The following SMAD6 variants were observed in gnomAD, a reference collection of about 807,000 sequenced individuals.
SMAD6 encodes the protein MAD homolog 6.
SMAD6 carries 103 observed loss-of-function variants against 39.4 expected under a neutral mutation model. The observed-to-expected ratio is 2.62, with a 90% CI of 2.23 to 3.08. The LOEUF is 3.08. Among genes scored for constraint, SMAD6 ranks in the 30% most tolerant of loss-of-function variants. The pLI, the probability that SMAD6 is intolerant of heterozygous loss-of-function variation, is 0.00. For missense variants in SMAD6, 1,104 were observed against 742.9 expected, an observed-to-expected ratio of 1.49 and a Z score of -5.65; for synonymous variants, 445 against 353.3, an observed-to-expected ratio of 1.26 and a Z score of -2.91.
intron 3 of SMAD6, among the ~76,000 whole-genome samples, chr15:66,717,906 A>G (rs554484250): frequency 6.6e-6 from 1 of 152,312 alleles, no homozygotes; most frequent in South Asian, 2.1e-4. Flanking sequence ...AACGCAAGTT[A>G]AAATTTCAAT....
chr15:66,759,797 C>A (rs1894167167), intron 3 of SMAD6, among the ~76,000 whole-genome samples: 1 of 152,214 alleles, frequency 6.6e-6, no homozygotes. Context: ...CACTTGTCGG[C>A]ACCAGGTTGG....
In SMAD6 at chr15:66,703,250, G is replaced by A. The variant is rs559095945; in HGVS notation, c.-9G>A. 130 of 1,425,130 alleles carry A rather than the reference G, an allele frequency of 9.1e-5. 2 individuals carry two copies. The African/African-American group carries it at 1.6e-3, about 18-fold the overall frequency. 88.3% of individuals were successfully genotyped at this position (1,425,130 alleles called of 1,614,324 possible). Reference sequence around the variant, plus strand: ...CCTCCCCCCCACCCCTGGCGCCAAAGGATATCGTATGTTCAGGTCCAAACG... The same window carrying A: ...CCTCCCCCCCACCCCTGGCGCCAAAAGATATCGTATGTTCAGGTCCAAACG... On this transcript the variant is annotated 5_prime_UTR_variant, in exon 1 of 4. Transcript: ENST00000288840.
chr15:66,707,937 C>CT (rs1331807326), intron 1 of SMAD6: 1 of 152,312 alleles, frequency 6.6e-6, no homozygotes, highest in African/African-American at 2.4e-5. Context: ...GCTGTGAACT[C>CT]TTTTCTGGCT....
chr15:66,746,805 C>T (rs922462383), intron 3 of SMAD6, among the ~76,000 whole-genome samples: 6 of 152,092 alleles, frequency 3.9e-5, no homozygotes, highest in Admixed American at 1.3e-4. Context: ...GCAGAGGGCT[C>T]GCTTCTGGAC....
chr15:66,717,207 T>C (rs1195619883), intron 3 of SMAD6: 9 of 1,092,218 alleles, frequency 8.2e-6, no homozygotes, highest in South Asian at 7.8e-5. Context: ...GGAGCATGGC[T>C]GGTGGCATGG....
intron 3 of SMAD6, among the ~76,000 whole-genome samples, chr15:66,771,083 A>G (rs1190159478): frequency 6.6e-6 from 1 of 152,210 alleles, no homozygotes; most frequent in Non-Finnish European, 1.5e-5. Context: ...GAACAGTCTT[A>G]GCGGGTGGGA....
intron 1 of SMAD6, chr15:66,706,034 G>A (rs774281620): frequency 2.6e-5 from 4 of 152,554 alleles, no homozygotes; most frequent in Non-Finnish European, 5.9e-5. Flanking sequence ...CGATGGACAG[G>A]ACCACTCCTG....
At chr15:66,736,673 CT>C (rs1177478010) in intron 3 of SMAD6, among the ~76,000 whole-genome samples, 106 of 145,374 alleles carry the variant, frequency 7.3e-4, no homozygotes, top group Admixed American at 1.5e-3. Flanking sequence ...AGTTCCTTCT[CT>C]TTTTTTTTTT....
At chr15:66,743,190 T>A (rs553407362) in intron 3 of SMAD6, among the ~76,000 whole-genome samples, 1 of 152,162 alleles carries the variant, frequency 6.6e-6, no homozygotes, top group South Asian at 2.1e-4. Flanking sequence ...TCCTGAGAGC[T>A]CCCTGCAGTT....
Position 66,750,406 on chromosome 15 carries a change from T to C in SMAD6, c.953-30591T>C, listed in dbSNP as rs527704765. Among the ~76,000 whole-genome samples the C allele has an allele frequency of 3.3e-5, 5 of 152,328 alleles. No individual in the cohort carries two copies. In the East Asian group the frequency reaches 9.6e-4, roughly 29 times the overall value. On this transcript the variant is annotated intron_variant, in intron 3 of 3. Transcript: ENST00000288840. ...ATGTGGCCAGTGAATGCTCATTGAATGACTCATCCGAATTTCATTTTGCTC... is the reference window on the plus strand; with the variant it reads ...ATGTGGCCAGTGAATGCTCATTGAACGACTCATCCGAATTTCATTTTGCTC...
At position 66,780,978 on chromosome 15, in the gene SMAD6, C is replaced by T. The variant is rs1253173437; in HGVS notation, c.953-19C>T. 6.5e-7 allele frequency: 1 copy of T among 1,542,484 alleles called. No homozygotes were observed. The highest frequency in any genetic ancestry group is 2.4e-5 in the East Asian group (1 of 41,580). On this transcript the variant is annotated intron_variant, in intron 3 of 3. Transcript: ENST00000288840. Reference sequence around the variant, plus strand: ...TCCCCACCCAGAATAACGCGGCGGTCCCTGTGCTTGTCCCGCAGACGCCAG... The same window carrying T: ...TCCCCACCCAGAATAACGCGGCGGTTCCTGTGCTTGTCCCGCAGACGCCAG...
chr15:66,771,912 C>T (rs1278190466), intron 3 of SMAD6, among the ~76,000 whole-genome samples: 2 of 152,002 alleles, frequency 1.3e-5, no homozygotes, highest in Non-Finnish European at 2.9e-5. Flanking sequence ...ACTCAAAAGC[C>T]AAAAAGTGTG....
At chr15:66,713,363 A>G (rs1054659516) in intron 2 of SMAD6, among the ~76,000 whole-genome samples, 2 of 152,172 alleles carry the variant, frequency 1.3e-5, no homozygotes, top group Non-Finnish European at 2.9e-5. Flanking sequence ...TCTGTCACCC[A>G]GGCTGGAGTG....
At chr15:66,711,950 G>A (rs1371589119) in intron 2 of SMAD6, among the ~76,000 whole-genome samples, 2 of 152,144 alleles carry the variant, frequency 1.3e-5, no homozygotes, top group African/African-American at 4.8e-5. Flanking sequence ...GAAATTCCGC[G>A]GCTCATCATT....
intron 3 of SMAD6, among the ~76,000 whole-genome samples, chr15:66,726,170 G>A (rs1893518124): frequency 1.3e-5 from 2 of 152,188 alleles, no homozygotes; most frequent in Admixed American, 1.3e-4. Flanking sequence ...GGGAGGAGGA[G>A]ACACTGTTTC....
chr15:66,715,509 A>G (rs1206807156), intron 2 of SMAD6, among the ~76,000 whole-genome samples: 2 of 152,196 alleles, frequency 1.3e-5, no homozygotes, highest in Non-Finnish European at 2.9e-5. Context: ...GTGCCAGGTG[A>G]GAAGATGTGT....
intron 3 of SMAD6, among the ~76,000 whole-genome samples, chr15:66,724,557 C>T (rs1392503020): frequency 1.3e-5 from 2 of 152,156 alleles, no homozygotes; most frequent in African/African-American, 4.8e-5. Flanking sequence ...CCCAAGGTCA[C>T]CCAGCAAGAA....
chr15:66,723,617 C>T (rs955200689), intron 3 of SMAD6, among the ~76,000 whole-genome samples: 8 of 152,190 alleles, frequency 5.3e-5, no homozygotes, highest in African/African-American at 1.9e-4. Context: ...CTATAGTGAG[C>T]TGTGATCGCA....
At chr15:66,751,758 C>G (rs893592530) in intron 3 of SMAD6, among the ~76,000 whole-genome samples, 4 of 152,234 alleles carry the variant, frequency 2.6e-5, no homozygotes, top group African/African-American at 9.6e-5. Context: ...TTCTACCCCC[C>G]ACACCTGCAT....
Sources: gnomAD v4.1 joint callset for allele counts (sites outside exome capture counted in the v4.1 genomes callset) on GRCh38, gnomAD v4.1.1 for gene constraint, MANE v1.5 for transcripts, NCBI Gene and HGNC (gene_info 2026-07-23, HGNC 2026-07-21) for gene names.